Variants in EMC10 observed in about 807,000 individuals in gnomAD.
The protein encoded by EMC10 is UPF0510 protein INM02.
In EMC10, 40 loss-of-function variants were observed where a neutral mutation model predicts 32.2. The ratio of observed to expected loss-of-function variants is 1.24; its 90% CI spans 0.96 to 1.61. EMC10 has a LOEUF of 1.61. Ranked by LOEUF, EMC10 falls within the 40% of genes most tolerant of loss-of-function variation. The probability of loss-of-function intolerance (pLI) is 0.00; values close to 1 mark genes in which losing one functional copy is unlikely to be tolerated. For synonymous variants in EMC10, 178 were observed against 158.4 expected, an observed-to-expected ratio of 1.12 and a Z score of -0.93; for missense variants, 402 against 357.7, an observed-to-expected ratio of 1.12 and a Z score of -1.00.
In EMC10 at chr19:50,484,045, T is replaced by TG. The variant is rs2040363488; in HGVS notation, c.*1787dup. On this transcript the variant is annotated 3_prime_UTR_variant, in exon 7 of 7. Transcript: ENST00000334976. The stretch of plus-strand genomic sequence containing the variant: ...TTTTTTTTTTTTTTTTTTTTTTTTT[T>TG]GAGGCAGAGTCTCGCTCTGTCATCC... 1 of 123,708 alleles carries TG rather than the reference T, an allele frequency of 8.1e-6. No individual in the cohort carries two copies. The highest frequency in any genetic ancestry group is 1.7e-5 in the Non-Finnish European group (1 of 57,786). 7.7% of individuals were successfully genotyped at this position (123,708 alleles called of 1,614,324 possible).
intron 2 of EMC10, 94 bp from the exon 3 acceptor site, chr19:50,478,863 G>C (rs1400781753): frequency 2.2e-6 from 2 of 924,178 alleles, no homozygotes; most frequent in Non-Finnish European, 3.3e-6. Context: ...TCGGGTGGAG[G>C]CCAGGCCAAA....
Position 50,477,931 on chromosome 19 carries a change from TG to T in EMC10, c.121del (p.Ala41ArgfsTer64). On this transcript the variant is annotated frameshift_variant, in exon 2 of 7. Coordinates refer to ENST00000334976, the MANE Select transcript of EMC10 (RefSeq NM_206538.4). LOFTEE classifies it high-confidence loss of function. ...CRAGTGARGA[G>X]AEGREGEACG... The stretch of plus-strand genomic sequence containing the variant: ...GGGGCCTTCTGTGTCCTCTGCAGGC[TG>T]GGGCGGAAGGTCGAGAGGGCGAGGC... 1.3e-6 allele frequency: 2 copies of T among 1,598,290 alleles called. No homozygotes were observed. The highest frequency in any genetic ancestry group is 1.8e-5 in the Admixed American group (1 of 55,280).
rs1234029237 is a variant in EMC10, at chr19:50,482,487, A to G, written c.*228A>G. 1.2e-5 allele frequency: 7 copies of G among 576,742 alleles called. No homozygotes were observed. The highest frequency in any genetic ancestry group is 3.0e-5 in the East Asian group (1 of 33,654). 35.7% of individuals were successfully genotyped at this position (576,742 alleles called of 1,614,324 possible). ...GGTGTCTCCTGCGCCCGCCTCCCCC[A>G]TGGCCCCATGCAGCCCCAGGGGCTT... On this transcript the variant is annotated 3_prime_UTR_variant, in exon 7 of 7. Transcript: ENST00000334976.
chr19:50,483,921 T>A lies in EMC10; in HGVS notation c.*1662T>A, dbSNP rs1352165011. 1 of 151,168 alleles carries A rather than the reference T, an allele frequency of 6.6e-6. No homozygotes were observed. The highest frequency in any genetic ancestry group is 1.5e-5 in the Non-Finnish European group (1 of 67,878). 9.4% of individuals were successfully genotyped at this position (151,168 alleles called of 1,614,324 possible). A position where few individuals can be genotyped will look rare whatever the true frequency, so the allele number is the denominator to read the frequency against. Reference sequence around the variant, plus strand: ...AGCATTGCTAACTTCTGTTTCTTTCTCCACCTGCAGGAGATAGCTTATGCT... The same window carrying A: ...AGCATTGCTAACTTCTGTTTCTTTCACCACCTGCAGGAGATAGCTTATGCT... On this transcript the variant is annotated 3_prime_UTR_variant, in exon 7 of 7. Transcript: ENST00000334976.
intron 6 of EMC10, 35 bp downstream of exon 6, chr19:50,481,012 C>A: frequency 6.5e-7 from 1 of 1,534,668 alleles, no homozygotes; most frequent in South Asian, 1.2e-5. Context: ...CTATTCCCTT[C>A]CTGACAGTCC....
At position 50,483,855 on chromosome 19, in the gene EMC10, C is replaced by G. The variant is rs2040359965; in HGVS notation, c.*1596C>G. The G allele has an allele frequency of 6.6e-6, 1 of 151,822 alleles. No homozygotes were observed. The highest frequency in any genetic ancestry group is 6.6e-5 in the Admixed American group (1 of 15,214). 9.4% of individuals were successfully genotyped at this position (151,822 alleles called of 1,614,324 possible). On this transcript the variant is annotated 3_prime_UTR_variant, in exon 7 of 7. Coordinates refer to ENST00000334976, the MANE Select transcript of EMC10 (RefSeq NM_206538.4). ...GGGATTACAGGCGTGAGCCACCGCGCCTGGCCTATTTTTGGTAACTTTAAT... is the reference window on the plus strand; with the variant it reads ...GGGATTACAGGCGTGAGCCACCGCGGCTGGCCTATTTTTGGTAACTTTAAT...
rs921361307 is a variant in EMC10 at position 50,480,001 on chromosome 19, G to A, written c.298-110G>A. 16 of 844,330 alleles carry A rather than the reference G, an allele frequency of 1.9e-5. No individual in the cohort carries two copies. Among genetic ancestry groups the A allele is most frequent in the Middle Eastern group, 3.3e-4 (1 of 3,062 alleles). The allele number at this position is 844,330 out of a possible 1,614,324, so 52.3% of individuals were successfully genotyped here. On this transcript the variant is annotated intron_variant, in intron 3 of 6. Coordinates refer to ENST00000334976, the MANE Select transcript of EMC10 (RefSeq NM_206538.4). This position sits in a 1 kb window ranked among gnomAD's most constrained non-coding sequence, Gnocchi z 4.4. ...TTGGCTGGCCTGGGGAGTGTGGGCC[G>A]TGAGGTGGGTGGGGCTGGAGAGGGG...
At chr19:50,476,889 G>A in intron 1 of EMC10, 2 of 432,656 alleles carry the variant, frequency 4.6e-6, no homozygotes. Flanking sequence ...GCTCTGGCTC[G>A]GGAATATGTA....
Position 50,482,771 on chromosome 19 carries a change from C to A in EMC10, c.*512C>A. On this transcript the variant is annotated 3_prime_UTR_variant, in exon 7 of 7. Transcript: ENST00000334976. The stretch of plus-strand genomic sequence containing the variant: ...GTGTCCCCTTGAGGGTACCCTGGGT[C>A]CCCTCATCAGGGGCAGAGGCATGAA... The A allele has an allele frequency of 4.1e-6, 2 of 489,766 alleles. No individual in the cohort carries two copies. Among genetic ancestry groups the A allele is most frequent in the African/African-American group, 2.0e-5 (1 of 50,452 alleles). 30.3% of individuals were successfully genotyped at this position (489,766 alleles called of 1,614,324 possible). A position where few individuals can be genotyped will look rare whatever the true frequency, so the allele number is the denominator to read the frequency against.
intron 3 of EMC10, among the ~76,000 whole-genome samples, chr19:50,479,423 A>G (rs1186957217): frequency 6.6e-6 from 1 of 152,202 alleles, no homozygotes; most frequent in Non-Finnish European, 1.5e-5. Flanking sequence ...GAAAGCCTCA[A>G]AATAGCTATG....
intron 2 of EMC10, 78 bp downstream of exon 2, chr19:50,478,079 C>A: frequency 8.3e-7 from 1 of 1,209,562 alleles, no homozygotes; most frequent in African/African-American, 1.6e-5. Flanking sequence ...TGGGTGCCTC[C>A]CGTCGTATGA....
chr19:50,476,860 C>G (rs2040233187), intron 1 of EMC10: 2 of 461,440 alleles, frequency 4.3e-6, no homozygotes, highest in Admixed American at 4.0e-5. Context: ...GGTGGGAGGA[C>G]AAGCGCACCT....
rs12459152 is a variant in EMC10 at position 50,479,901 on chromosome 19, G to A, written c.298-210G>A. On this transcript the variant is annotated intron_variant, in intron 3 of 6. Coordinates refer to ENST00000334976, the MANE Select transcript of EMC10 (RefSeq NM_206538.4). The stretch of plus-strand genomic sequence containing the variant: ...CTTGTGGTGGCTTTTCCCCTAGGTG[G>A]GGCGGTCCCAGCTGCTCCTGGCCTC... 5.8e-3 allele frequency among the ~76,000 whole-genome samples: 889 copies of A among 152,310 alleles called. 33 individuals carry two copies. The East Asian group carries it at 0.066, about 11-fold the overall frequency.
intron 6 of EMC10, chr19:50,481,507 G>C: frequency 3.4e-6 from 1 of 296,998 alleles, no homozygotes. Context: ...AGCCGGAGGA[G>C]GTGGCTTCCA....
Position 50,478,932 on chromosome 19 carries a change from G to A in EMC10, c.188-25G>A, listed in dbSNP as rs369980944. On this transcript the variant is annotated intron_variant, in intron 2 of 6. Coordinates refer to ENST00000334976, the MANE Select transcript of EMC10 (RefSeq NM_206538.4). ...TTGAAGGGTGGGCGGGGGAGGGGGC[G>A]TCTCTGAACCTGAGCTCCTCACAGA... 5.2e-5 allele frequency: 81 copies of A among 1,561,548 alleles called. No individual in the cohort carries two copies. The South Asian group carries it at 6.0e-4, about 12-fold the overall frequency.
Position 50,483,289 on chromosome 19 carries a change from G to C in EMC10, c.*1030G>C, listed in dbSNP as rs1193779485. On this transcript the variant is annotated 3_prime_UTR_variant, in exon 7 of 7. Coordinates refer to ENST00000334976, the MANE Select transcript of EMC10 (RefSeq NM_206538.4). ...GAATGGCTGTCCCCATCCTCATGTG[G>C]CTGTGTGGAGCTCAGCTGTGTTGTG... 2 of 372,896 alleles carry C rather than the reference G, an allele frequency of 5.4e-6. No homozygotes were observed. Among genetic ancestry groups the C allele is most frequent in the Non-Finnish European group, 1.1e-5 (2 of 183,718 alleles). The allele number at this position is 372,896 out of a possible 1,614,324, so 23.1% of individuals were successfully genotyped here. A position where few individuals can be genotyped will look rare whatever the true frequency, so the allele number is the denominator to read the frequency against.
rs150801533 is a variant in EMC10 at position 50,484,018 on chromosome 19, CTTTTTTTTTTTTT to C, written c.*1774_*1786del. 3.9e-5 allele frequency: 2 copies of C among 50,770 alleles called. No individual in the cohort carries two copies. The highest frequency in any genetic ancestry group is 3.2e-4 in the Admixed American group (1 of 3,134). 3.1% of individuals were successfully genotyped at this position (50,770 alleles called of 1,614,324 possible). On this transcript the variant is annotated 3_prime_UTR_variant, in exon 7 of 7. Coordinates refer to ENST00000334976, the MANE Select transcript of EMC10 (RefSeq NM_206538.4). ...AGGATTCCAGAAATATTTACTAATGCTTTTTTTTTTTTTTTTTTTTTTTTTTTGAGGCAGAGTC... is the reference window on the plus strand; with the variant it reads ...AGGATTCCAGAAATATTTACTAATGCTTTTTTTTTTTTTTGAGGCAGAGTC...
intron 2 of EMC10, among the ~76,000 whole-genome samples, chr19:50,478,740 CT>C (rs2040269863): frequency 6.6e-6 from 1 of 152,142 alleles, no homozygotes; most frequent in Non-Finnish European, 1.5e-5. Context: ...GATTTGGGAG[CT>C]GTGGGGTTCA....
Position 50,485,458 on chromosome 19 carries a change from G to A in EMC10, c.*3199G>A, listed in dbSNP as rs900683469. 4 of 152,434 alleles carry A rather than the reference G, an allele frequency of 2.6e-5. No homozygotes were observed. The highest frequency in any genetic ancestry group is 4.8e-5 in the African/African-American group (2 of 41,538). 9.4% of individuals were successfully genotyped at this position (152,434 alleles called of 1,614,324 possible). A position where few individuals can be genotyped will look rare whatever the true frequency, so the allele number is the denominator to read the frequency against. On this transcript the variant is annotated 3_prime_UTR_variant, in exon 7 of 7. Coordinates refer to ENST00000334976, the MANE Select transcript of EMC10 (RefSeq NM_206538.4). ...AGTGCCTCCCACCTGCCCGGATCGG[G>A]TGCTCCTCCAGGGATCTTTGTTCCA...
Sources: allele counts gnomAD v4.1 joint callset (sites outside exome capture counted in the v4.1 genomes callset), GRCh38; gene constraint gnomAD v4.1.1; non-coding constraint Gnocchi (gnomAD v3.1); transcripts MANE v1.5; gene names NCBI Gene and HGNC (gene_info 2026-07-23, HGNC 2026-07-21).